The following SPNS2 variants were observed in gnomAD, a reference collection of about 807,000 sequenced individuals.
SPNS2 encodes SPNS lysolipid transporter 2, sphingosine-1-phosphate, also known as sphingosine-1-phosphate transporter SPNS2.
In SPNS2, 37 loss-of-function variants were observed where a neutral mutation model predicts 57.6. That is an observed-to-expected ratio of 0.64 (90% CI 0.49 to 0.85). SPNS2 has a LOEUF of 0.85. SPNS2 is among the 40% of genes least tolerant of loss of function. SPNS2 has a pLI of 0.00. For missense variants in SPNS2, 831 were observed against 779.1 expected (o/e 1.07, Z -0.79); for synonymous variants, 440 against 346.9 (o/e 1.27, Z -2.98).
chr17:4,509,483 A>G (rs1904772789), intron 1 of SPNS2, among the ~76,000 whole-genome samples: 1 of 152,242 alleles, frequency 6.6e-6, no homozygotes, highest in Non-Finnish European at 1.5e-5. Flanking sequence ...AGGAGAGGAA[A>G]GGAACAGCTG....
intron 9 of SPNS2, among the ~76,000 whole-genome samples, chr17:4,534,881 C>T (rs543690500): frequency 6.6e-6 from 1 of 152,122 alleles, no homozygotes; most frequent in Admixed American, 6.5e-5. Context: ...CCTCCACCCC[C>T]AGGGAGCGCC....
intron 2 of SPNS2, among the ~76,000 whole-genome samples, chr17:4,519,674 G>T (rs548194886): frequency 6.6e-6 from 1 of 152,214 alleles, no homozygotes; most frequent in African/African-American, 2.4e-5. Context: ...CAGGGGTGGG[G>T]CTGCCAGTCT....
chr17:4,529,411 C>A (rs1009032446), intron 3 of SPNS2, among the ~76,000 whole-genome samples: 4 of 152,158 alleles, frequency 2.6e-5, no homozygotes, highest in African/African-American at 9.6e-5. Flanking sequence ...ACACAGGGGG[C>A]CGGATGTGGT....
intron 2 of SPNS2, among the ~76,000 whole-genome samples, chr17:4,514,503 T>G (rs1485838950): frequency 6.6e-6 from 1 of 152,238 alleles, no homozygotes; most frequent in South Asian, 2.1e-4. Flanking sequence ...TAGCTGTCCT[T>G]ACAGCCCAGA....
chr17:4,513,366 C>A, intron 2 of SPNS2, 54 bp downstream of exon 2: 1 of 1,591,484 alleles, frequency 6.3e-7, no homozygotes, highest in Non-Finnish European at 8.6e-7. Flanking sequence ...CGTCGTGGGT[C>A]CTGTCCTGTT....
chr17:4,530,004 G>A (rs770107048), intron 3 of SPNS2, among the ~76,000 whole-genome samples: 40 of 152,300 alleles, frequency 2.6e-4, no homozygotes, highest in African/African-American at 9.1e-4. Context: ...CAGGCCCCGG[G>A]CAGCTGGGGG....
At chr17:4,536,455 G>A (rs748506470) in intron 11 of SPNS2, 29 bp downstream of exon 11, 3 of 1,579,604 alleles carry the variant, frequency 1.9e-6, no homozygotes, top group African/African-American at 1.3e-5. Context: ...AGGCCCTGCT[G>A]CACCGCCGGG....
At chr17:4,522,246 C>A (rs1274347438) in intron 2 of SPNS2, among the ~76,000 whole-genome samples, 1 of 152,198 alleles carries the variant, frequency 6.6e-6, no homozygotes, top group Non-Finnish European at 1.5e-5. Flanking sequence ...CTCCCCTCAC[C>A]CTTTATCAGA....
intron 1 of SPNS2, among the ~76,000 whole-genome samples, chr17:4,505,205 A>G (rs1000643375): frequency 6.6e-6 from 1 of 152,130 alleles, no homozygotes; most frequent in Non-Finnish European, 1.5e-5. Flanking sequence ...GGACCCCCGC[A>G]TGCATAGGAG....
chr17:4,509,603 G>C (rs1904775760), intron 1 of SPNS2, among the ~76,000 whole-genome samples: 1 of 147,566 alleles, frequency 6.8e-6, no homozygotes, highest in South Asian at 2.1e-4. Flanking sequence ...GAGTGCACGG[G>C]CCCAAGCCAA....
At chr17:4,517,342 TG>T (rs779872740) in intron 2 of SPNS2, among the ~76,000 whole-genome samples, 1 of 152,170 alleles carries the variant, frequency 6.6e-6, no homozygotes. Flanking sequence ...CAATTTCCAC[TG>T]AAGACAAACT....
intron 1 of SPNS2, 114 bp from the exon 2 acceptor site, chr17:4,513,133 A>T (rs1904889391): frequency 1.7e-6 from 2 of 1,148,656 alleles, no homozygotes; most frequent in Admixed American, 3.5e-5. Flanking sequence ...GCAGAGCAGG[A>T]GTGCCGCAGA....
chr17:4,510,702 G>A lies in SPNS2; in HGVS notation c.371-2545G>A, dbSNP rs147282236. Reference sequence around the variant, plus strand: ...ACTCCGCCCATCCTCTTGTCCACCCGACACCAAAATCGTGACTGTCCCTGC... The same window carrying A: ...ACTCCGCCCATCCTCTTGTCCACCCAACACCAAAATCGTGACTGTCCCTGC... On this transcript the variant is annotated intron_variant, in intron 1 of 12. Coordinates refer to ENST00000329078, the MANE Select transcript of SPNS2 (RefSeq NM_001124758.3). The surrounding 1 kb of genome is among the most constrained non-coding windows in gnomAD (Gnocchi z 4.4). Among the ~76,000 whole-genome samples, 103 of 152,240 alleles carry A rather than the reference G, an allele frequency of 6.8e-4. No individual in the cohort carries two copies. Among genetic ancestry groups the A allele is most frequent in the African/African-American group, 2.2e-3 (91 of 41,544 alleles).
Position 4,533,101 on chromosome 17 carries a change from A to G in SPNS2, c.1060A>G (p.Asn354Asp), listed in dbSNP as rs759726200. 1.7e-5 allele frequency: 27 copies of G among 1,612,394 alleles called. No individual in the cohort carries two copies. The East Asian group carries it at 6.0e-4, about 36-fold the overall frequency. ...QVVQKTAETC[N>D]SPPCGAKDSL... ...TGTGCAGAAGACAGCAGAGACGTGC[A>G]ACAGCCCGCCCTGTGGGGCCAAGGA... Residue 354 changes from asparagine (N) to aspartate (D), a missense_variant, in exon 7 of 13, where the codon AAC becomes GAC. By Grantham distance (23) the Asn-to-Asp change is conservative (BLOSUM62 1). Coordinates refer to ENST00000329078, the MANE Select transcript of SPNS2 (RefSeq NM_001124758.3).
At chr17:4,525,002 G>A (rs774002994) in intron 2 of SPNS2, 55 bp from the exon 3 acceptor site, 67 of 1,592,784 alleles carry the variant, frequency 4.2e-5, no homozygotes, top group Middle Eastern at 3.4e-4. Context: ...GAAATGGGCC[G>A]GGAGGCCGGG....
intron 8 of SPNS2, 165 bp from the exon 9 acceptor site, chr17:4,533,623 G>C (rs1020804478): frequency 1.9e-6 from 2 of 1,027,892 alleles, no homozygotes; most frequent in Non-Finnish European, 2.9e-6. Context: ...CCTCAGGGCC[G>C]TGGGCATGGC....
At chr17:4,514,833 A>AG (rs1363323717) in intron 2 of SPNS2, among the ~76,000 whole-genome samples, 3 of 152,226 alleles carry the variant, frequency 2.0e-5, no homozygotes, top group Non-Finnish European at 4.4e-5. Flanking sequence ...GCGCATGGGA[A>AG]GGAGTGGGCT....
rs993602994 is a variant in SPNS2 at position 4,530,926 on chromosome 17, T to C, written c.726-127T>C. The C allele has an allele frequency of 2.8e-6, 4 of 1,444,772 alleles. No individual in the cohort carries two copies. The African/African-American group carries it at 4.2e-5, about 15-fold the overall frequency. 89.5% of individuals were successfully genotyped at this position (1,444,772 alleles called of 1,614,324 possible). ...TGTGGGCGGTCAGCCTTTGAGAATCTCCTGGACCTGCTCCCTGGCCAGCTG... is the reference window on the plus strand; with the variant it reads ...TGTGGGCGGTCAGCCTTTGAGAATCCCCTGGACCTGCTCCCTGGCCAGCTG... On this transcript the variant is annotated intron_variant, in intron 4 of 12. Transcript: ENST00000329078.
intron 5 of SPNS2, among the ~76,000 whole-genome samples, 186 bp downstream of exon 5, chr17:4,531,305 T>A (rs141885212): frequency 6.6e-6 from 1 of 152,234 alleles, no homozygotes; most frequent in Non-Finnish European, 1.5e-5. Flanking sequence ...GATGTCCCGA[T>A]TGAGGTGTCA....
Sources: allele counts gnomAD v4.1 joint callset (sites outside exome capture counted in the v4.1 genomes callset), GRCh38; gene constraint gnomAD v4.1.1; non-coding constraint Gnocchi (gnomAD v3.1); transcripts MANE v1.5; gene names NCBI Gene and HGNC (gene_info 2026-07-23, HGNC 2026-07-21).